KLF8: variants seen among roughly 807,000 people sequenced by gnomAD.
KLF8 encodes the protein Krueppel-like factor 8.
In KLF8, 10 loss-of-function variants were observed where a neutral mutation model predicts 18.2. The observed-to-expected ratio is 0.55, with a 90% CI of 0.34 to 0.93. The LOEUF is 0.93. Ranked by LOEUF, KLF8 falls within the 40% of genes least tolerant of loss-of-function variation. The probability of loss-of-function intolerance (pLI) is 0.02; values close to 1 mark genes in which losing one functional copy is unlikely to be tolerated. For synonymous variants in KLF8, 109 were observed against 97.3 expected, an observed-to-expected ratio of 1.12 and a Z score of -0.71; for missense variants, 264 against 277.9, an observed-to-expected ratio of 0.95 and a Z score of 0.36.
chrX:56,104,073 T>C, the KLF8 span, among the ~76,000 whole-genome samples: 3 of 111,996 alleles, frequency 2.7e-5, no homozygotes, highest in Non-Finnish European at 5.6e-5. Flanking sequence ...CACTTGATCA[T>C]AGTGGATAAG....
chrX:56,185,310 G>A, the KLF8 span, among the ~76,000 whole-genome samples: 4 of 111,839 alleles, frequency 3.6e-5, no homozygotes, highest in African/African-American at 1.3e-4. Context: ...GAAGTGAAAA[G>A]GGAAGTTTAG....
the KLF8 span, among the ~76,000 whole-genome samples, chrX:56,080,513 G>T: frequency 3.6e-5 from 4 of 111,656 alleles, no homozygotes; most frequent in Admixed American, 1.9e-4. Context: ...TCTGCAGAGA[G>T]ATCCACTGTT....
chrX:56,082,787 G>A, the KLF8 span, among the ~76,000 whole-genome samples: 1 of 111,325 alleles, frequency 9.0e-6, no homozygotes, highest in East Asian at 2.8e-4. Context: ...TTTGTAAAGG[G>A]CAGTTTTGCC....
chrX:56,026,112 C>A, the KLF8 span, among the ~76,000 whole-genome samples: 3 of 112,066 alleles, frequency 2.7e-5, no homozygotes, highest in Non-Finnish European at 5.6e-5. Flanking sequence ...CTTGGTTTGG[C>A]CTCCTAGGTT....
At chrX:56,104,823 A>G in the KLF8 span, among the ~76,000 whole-genome samples, 8 of 111,306 alleles carry the variant, frequency 7.2e-5, no homozygotes, top group African/African-American at 1.6e-4. Flanking sequence ...CCAATTTTAG[A>G]TCTTTCCTGC....
chrX:56,052,731 G>A, the KLF8 span, among the ~76,000 whole-genome samples: 1 of 112,006 alleles, frequency 8.9e-6, no homozygotes, highest in Non-Finnish European at 1.9e-5. Flanking sequence ...GTTTGTCTGT[G>A]CCCTGCCCCC....
chrX:56,247,310 C>G (rs932332998), intron 1 of KLF8, among the ~76,000 whole-genome samples: 1 of 111,350 alleles, frequency 9.0e-6, no homozygotes, highest in Non-Finnish European at 1.9e-5. Context: ...AATGGTGTAC[C>G]TGAACACCAC....
At chrX:56,153,789 GACAA>G in the KLF8 span, among the ~76,000 whole-genome samples, 4 of 111,193 alleles carry the variant, frequency 3.6e-5, no homozygotes, top group African/African-American at 9.8e-5. Flanking sequence ...ACCAATAACA[GACAA>G]ACAGAGAGCC....
At chrX:56,027,123 C>A in the KLF8 span, among the ~76,000 whole-genome samples, 2 of 112,765 alleles carry the variant, frequency 1.8e-5, no homozygotes, top group African/African-American at 3.2e-5. Context: ...CACAGCTATT[C>A]TCCCCCATCT....
the KLF8 span, among the ~76,000 whole-genome samples, chrX:56,162,236 C>A: frequency 8.9e-6 from 1 of 112,242 alleles, no homozygotes; most frequent in South Asian, 3.7e-4. Context: ...CTTGCGGAGG[C>A]AGTCTGTCCA....
At chrX:56,139,732 C>T in the KLF8 span, among the ~76,000 whole-genome samples, 2 of 111,506 alleles carry the variant, frequency 1.8e-5, no homozygotes, top group Non-Finnish European at 3.8e-5. Flanking sequence ...AATTTCATGA[C>T]AAAGATTCCA....
the KLF8 span, among the ~76,000 whole-genome samples, chrX:56,176,023 C>G: frequency 1.8e-5 from 2 of 111,899 alleles, no homozygotes; most frequent in Admixed American, 1.9e-4. Flanking sequence ...CTGAGTACAG[C>G]ACACTGATGG....
the KLF8 span, among the ~76,000 whole-genome samples, chrX:56,175,480 A>G: frequency 3.6e-5 from 4 of 111,322 alleles, no homozygotes; most frequent in South Asian, 1.1e-3. Flanking sequence ...TATAATTTCC[A>G]TTCTTTTACA....
the KLF8 span, among the ~76,000 whole-genome samples, chrX:56,077,621 G>A: frequency 3.6e-5 from 4 of 111,833 alleles, no homozygotes; most frequent in Non-Finnish European, 7.5e-5. Flanking sequence ...ACTTGCCGAT[G>A]CAGGCTCTTT....
At chrX:56,016,740 C>T in the KLF8 span, among the ~76,000 whole-genome samples, 14 of 111,542 alleles carry the variant, frequency 1.3e-4, no homozygotes, top group East Asian at 2.3e-3. Context: ...GGAGGAGTGA[C>T]CTGCCTAGTG....
chrX:56,237,743 T>C (rs1286180014), intron 1 of KLF8, among the ~76,000 whole-genome samples: 1 of 112,001 alleles, frequency 8.9e-6, no homozygotes, highest in Non-Finnish European at 1.9e-5. Context: ...CAAAATACCA[T>C]TGACTGAGTG....
At chrX:56,136,823 C>T in the KLF8 span, among the ~76,000 whole-genome samples, 1 of 110,199 alleles carries the variant, frequency 9.1e-6, no homozygotes, top group Non-Finnish European at 1.9e-5. Flanking sequence ...AGGCAACCTA[C>T]AAAATGGGAG....
chrX:55,997,801 G>C, the KLF8 span, among the ~76,000 whole-genome samples: 1 of 111,557 alleles, frequency 9.0e-6, no homozygotes, highest in African/African-American at 3.3e-5. Flanking sequence ...CACACCTGTG[G>C]GTGTTTCTCA....
chrX:56,234,387 G>A (rs773433920), intron 1 of KLF8, among the ~76,000 whole-genome samples: 1 of 111,660 alleles, frequency 9.0e-6, no homozygotes, highest in Non-Finnish European at 1.9e-5. Context: ...GTAGATACTC[G>A]GGTGGATGAA....
Sources: gnomAD v4.1 joint callset for allele counts (sites outside exome capture counted in the v4.1 genomes callset) on GRCh38, gnomAD v4.1.1 for gene constraint, MANE v1.5 for transcripts, NCBI Gene and HGNC (gene_info 2026-07-23, HGNC 2026-07-21) for gene names.